Variants in SENP5 observed in about 807,000 individuals in gnomAD.
SENP5 encodes sentrin-specific protease 5.
A neutral mutation model predicts 74.2 loss-of-function variants in SENP5; 21 were observed. That is an observed-to-expected ratio of 0.28 (90% CI 0.20 to 0.41). SENP5 has a LOEUF of 0.41. Among genes scored for constraint, SENP5 ranks in the 10% least tolerant of loss-of-function variants. SENP5 has a pLI of 1.00. For synonymous variants in SENP5, 311 were observed against 312.7 expected (o/e 0.99, Z 0.06); for missense variants, 717 against 889.1 (o/e 0.81, Z 2.46).
At chr3:196,915,797 C>G (rs1440195531) in intron 6 of SENP5, among the ~76,000 whole-genome samples, 1 of 152,148 alleles carries the variant, frequency 6.6e-6, no homozygotes, top group African/African-American at 2.4e-5. Context: ...CCAAGCACAC[C>G]AAGGTGAGAC....
chr3:196,923,588 G>A, intron 7 of SENP5, 37 bp downstream of exon 7: 1 of 1,452,920 alleles, frequency 6.9e-7, no homozygotes, highest in Non-Finnish European at 9.5e-7. Context: ...CATTTATTTT[G>A]TAATTGGCCA....
At chr3:196,871,038 C>T (rs1370384988) in intron 1 of SENP5, among the ~76,000 whole-genome samples, 1 of 151,788 alleles carries the variant, frequency 6.6e-6, no homozygotes, top group Non-Finnish European at 1.5e-5. Context: ...GGCATGGTGG[C>T]GGGCGCCTAT....
intron 1 of SENP5, among the ~76,000 whole-genome samples, chr3:196,881,508 CT>C (rs1713724321): frequency 1.3e-5 from 2 of 151,986 alleles, no homozygotes; most frequent in Admixed American, 1.3e-4. Flanking sequence ...TGCCAATTGT[CT>C]TATAAATGAA....
intron 1 of SENP5, among the ~76,000 whole-genome samples, chr3:196,880,060 C>G (rs541331344): frequency 1.3e-5 from 2 of 152,128 alleles, no homozygotes; most frequent in South Asian, 4.2e-4. Context: ...ATTCTCCTGC[C>G]TCAGCCTCCC....
intron 1 of SENP5, among the ~76,000 whole-genome samples, chr3:196,871,751 A>C (rs2108801877): frequency 6.6e-6 from 1 of 151,524 alleles, no homozygotes; most frequent in East Asian, 1.9e-4. Flanking sequence ...GCTACTCAGG[A>C]GGCTGAGGCA....
intron 5 of SENP5, among the ~76,000 whole-genome samples, chr3:196,900,670 C>G: frequency 6.6e-6 from 1 of 152,122 alleles, no homozygotes; most frequent in South Asian, 2.1e-4. Flanking sequence ...ATTGCAACCT[C>G]CACCTCCCGG....
At chr3:196,926,467 G>A (rs1379628510) in intron 7 of SENP5, among the ~76,000 whole-genome samples, 1 of 134,600 alleles carries the variant, frequency 7.4e-6, no homozygotes, top group Non-Finnish European at 1.6e-5. Context: ...GGGTAACAGA[G>A]CAAGACTCCG....
At chr3:196,912,586 CG>C (rs1241160786) in intron 6 of SENP5, 4 of 151,518 alleles carry the variant, frequency 2.6e-5, no homozygotes, top group Non-Finnish European at 5.9e-5. Context: ...AACTAGATGA[CG>C]GATTGATAAG....
intron 1 of SENP5, among the ~76,000 whole-genome samples, chr3:196,878,412 G>A (rs1251668314): frequency 6.6e-6 from 1 of 152,132 alleles, no homozygotes. Context: ...GCATAGTTAA[G>A]GATAAGGTAC....
At chr3:196,927,278 A>G (rs184281717) in intron 7 of SENP5, among the ~76,000 whole-genome samples, 91 of 152,316 alleles carry the variant, frequency 6.0e-4, no homozygotes, top group Non-Finnish European at 9.6e-4. Context: ...AGCATGGGCA[A>G]TGATGAAGAC....
At chr3:196,914,273 T>C (rs1715259194) in intron 6 of SENP5, 1 of 152,042 alleles carries the variant, frequency 6.6e-6, no homozygotes. Context: ...TGTGTTTCAA[T>C]TAAACTTAAT....
At position 196,927,819 on chromosome 3, in the gene SENP5, T is replaced by G. The variant is rs1270076212; in HGVS notation, c.2046T>G (p.Thr682=). 4 of 1,610,984 alleles carry G rather than the reference T, an allele frequency of 2.5e-6. No homozygotes were observed. The highest frequency in any genetic ancestry group is 3.4e-6 in the Non-Finnish European group (4 of 1,177,244). ...CVENIRKYLL[T]EAREKNRPEF... ...AGAATATAAGAAAGTATTTGCTGAC[T>G]GAAGCCAGAGAAAAAAATAGACCTG... The change falls in exon 8 of 10, where the codon ACT becomes ACG. Residue 682 remains threonine (T), a synonymous_variant. Transcript: ENST00000323460.
intron 7 of SENP5, among the ~76,000 whole-genome samples, chr3:196,925,031 G>T (rs565537391): frequency 3.9e-5 from 6 of 152,300 alleles, no homozygotes; most frequent in Non-Finnish European, 8.8e-5. Context: ...GCAGGTGTAT[G>T]TGTAGACACA....
intron 7 of SENP5, among the ~76,000 whole-genome samples, chr3:196,923,802 G>T (rs987892156): frequency 1.2e-4 from 18 of 152,186 alleles, no homozygotes; most frequent in African/African-American, 4.3e-4. Flanking sequence ...ACTACATCTT[G>T]AATGTGGTTA....
At chr3:196,904,569 C>A (rs1193979757) in intron 6 of SENP5, among the ~76,000 whole-genome samples, 1 of 152,134 alleles carries the variant, frequency 6.6e-6, no homozygotes, top group Non-Finnish European at 1.5e-5. Context: ...GGGCGGATCA[C>A]TGAAGGTCAG....
intron 2 of SENP5, among the ~76,000 whole-genome samples, chr3:196,888,947 C>T (rs1283459826): frequency 3.3e-5 from 5 of 151,710 alleles, no homozygotes; most frequent in Non-Finnish European, 5.9e-5. Context: ...AAACCCCGTC[C>T]CTACTAAAAA....
intron 1 of SENP5, among the ~76,000 whole-genome samples, chr3:196,878,844 G>A (rs1434166594): frequency 1.3e-5 from 2 of 152,024 alleles, no homozygotes; most frequent in African/African-American, 2.4e-5. Context: ...CGCTTGCCTC[G>A]GCCTCCCAAA....
At chr3:196,871,102 A>AGAGGTTGCAGTGAGCC (rs1713196288) in intron 1 of SENP5, among the ~76,000 whole-genome samples, 1 of 151,906 alleles carries the variant, frequency 6.6e-6, no homozygotes, top group Non-Finnish European at 1.5e-5. Context: ...CCCATGAGGT[A>AGAGGTTGCAGTGAGCC]GAGGTTGCAG....
intron 6 of SENP5, among the ~76,000 whole-genome samples, chr3:196,908,365 C>T (rs562587018): frequency 2.4e-4 from 37 of 152,210 alleles, no homozygotes; most frequent in Admixed American, 1.8e-3. Context: ...GAAATTAAGG[C>T]AGAAATCAAG....
Sources: gnomAD v4.1 joint callset for allele counts (sites outside exome capture counted in the v4.1 genomes callset) on GRCh38, gnomAD v4.1.1 for gene constraint, MANE v1.5 for transcripts, NCBI Gene and HGNC (gene_info 2026-07-23, HGNC 2026-07-21) for gene names.